Variants in ZXDA observed in about 807,000 individuals in gnomAD.
ZXDA encodes zinc finger X-linked duplicated A.
In ZXDA, 5 loss-of-function variants were observed where a neutral mutation model predicts 10.1. That is an observed-to-expected ratio of 0.50 (90% CI 0.26 to 1.04). ZXDA has a LOEUF of 1.04. Ranked by LOEUF, ZXDA falls within the 50% of genes least tolerant of loss-of-function variation. The probability of loss-of-function intolerance (pLI) is 0.14; values close to 1 mark genes in which losing one functional copy is unlikely to be tolerated. For missense variants in ZXDA, 501 were observed against 672.4 expected (o/e 0.75, Z 2.82); for synonymous variants, 266 against 313.1 (o/e 0.85, Z 1.59).
In ZXDA at chrX:57,909,159, G is replaced by C; in HGVS notation, c.1262C>G (p.Ser421Cys). Residue 421 changes from serine (S) to cysteine (C), a missense_variant, in exon 1 of 1, where the codon TCC (serine) becomes TGC (cysteine). By Grantham distance (112) the Ser-to-Cys change is moderately radical. Transcript: ENST00000358697. ...CTTGCTGCAGCCAGGGAAAGAGCAGGAAAACAGTTCCTGTTCCCTGAAATG... is the reference window on the plus strand; with the variant it reads ...CTTGCTGCAGCCAGGGAAAGAGCAGCAAAACAGTTCCTGTTCCCTGAAATG... ...RAHFREQELF[S>C]CSFPGCSKQY... 1 of 1,211,639 alleles carries C rather than the reference G, an allele frequency of 8.3e-7. No individual in the cohort carries two copies. The highest frequency in any genetic ancestry group is 2.3e-4 in the Middle Eastern group (1 of 4,351).
In ZXDA at chrX:57,909,347, G is replaced by C. The variant is rs766402759; in HGVS notation, c.1074C>G (p.Asn358Lys). The change falls in exon 1 of 1, where the codon AAC (asparagine) becomes AAG (lysine). Residue 358 changes from asparagine to lysine, a missense_variant. By Grantham distance (94) the Asn-to-Lys change is moderately conservative. Transcript: ENST00000358697. ...KAHMKGHEQE[N>K]SFKCEVCEES... ...CCTCGCACACCTCACATTTGAACGA[G>C]TTCTCCTGCTCATGGCCCTTCATGT... The C allele has an allele frequency of 8.3e-7, 1 of 1,212,017 alleles. No individual in the cohort carries two copies. The highest frequency in any genetic ancestry group is 1.1e-6 in the Non-Finnish European group (1 of 895,598).
Position 57,909,326 on chromosome X carries a change from G to A in ZXDA, c.1095C>T (p.Cys365=), listed in dbSNP as rs1329314447. The change falls in exon 1 of 1, where the codon TGC becomes TGT. Residue 365 remains cysteine (C), a synonymous_variant. Coordinates refer to ENST00000358697, the MANE Select transcript of ZXDA (RefSeq NM_007156.5). Reference sequence around the variant, plus strand: ...TGGCCTGCGTGGGGAAGCTCTCCTCGCACACCTCACATTTGAACGAGTTCT... The same window carrying A: ...TGGCCTGCGTGGGGAAGCTCTCCTCACACACCTCACATTTGAACGAGTTCT... ...EQENSFKCEV[C]EESFPTQAKL... is the part of the protein sequence containing the mutation. 6.6e-6 allele frequency: 8 copies of A among 1,211,935 alleles called. No homozygotes were observed. The East Asian group carries it at 1.5e-4, about 22-fold the overall frequency.
At position 57,908,178 on chromosome X, in the gene ZXDA, A is replaced by G; in HGVS notation, c.2243T>C (p.Leu748Pro). ...GCTCCACTCCGCTTTGGCTGGTGTCAGTAGTTCTGAGACACTGTTTTCACA... is the reference window on the plus strand; with the variant it reads ...GCTCCACTCCGCTTTGGCTGGTGTCGGTAGTTCTGAGACACTGTTTTCACA... ...TLCENSVSEL[L>P]TPAKAEWSVH... Residue 748 changes from leucine (L) to proline (P), a missense_variant, in exon 1 of 1, where the codon CTG becomes CCG. This residue lies in a region of ZXDA where 46 missense variants were observed against 54.1 expected (regional missense o/e 0.85). Transcript: ENST00000358697. 1 of 1,211,895 alleles carries G rather than the reference A, an allele frequency of 8.3e-7. No individual in the cohort carries two copies. Among genetic ancestry groups the G allele is most frequent in the African/African-American group, 1.7e-5 (1 of 57,747 alleles).
In ZXDA at chrX:57,909,608, C is replaced by T; in HGVS notation, c.813G>A (p.Glu271=). 1 of 1,203,510 alleles carries T rather than the reference C, an allele frequency of 8.3e-7. No homozygotes were observed. Among genetic ancestry groups the T allele is most frequent in the Non-Finnish European group, 1.1e-6 (1 of 891,905 alleles). ...TGGCGAAGGTTTGCCCGCACAGCGC[C>T]TCGGGGCACAGGTACAGCACCACGC... The part of the protein sequence containing the change: ...GPGVVLYLCP[E]ALCGQTFAKK... The change falls in exon 1 of 1, where the codon GAG becomes GAA. Residue 271 remains glutamate, a synonymous_variant. Transcript: ENST00000358697.
At position 57,909,275 on chromosome X, in the gene ZXDA, G is replaced by A. The variant is rs1166860533; in HGVS notation, c.1146C>T (p.His382=). Residue 382 remains histidine, a synonymous_variant, in exon 1 of 1, where the codon CAC becomes CAT. Coordinates refer to ENST00000358697, the MANE Select transcript of ZXDA (RefSeq NM_007156.5). Reference sequence around the variant, plus strand: ...ACTGGTAAGGCCTCTCGGGTTCGAAGTGGCTGCGCTGGTGGGCGCCGAGTT... The same window carrying A: ...ACTGGTAAGGCCTCTCGGGTTCGAAATGGCTGCGCTGGTGGGCGCCGAGTT... ...QAKLGAHQRS[H]FEPERPYQCA... The A allele has an allele frequency of 1.6e-6, 2 of 1,212,302 alleles. No individual in the cohort carries two copies. Among genetic ancestry groups the A allele is most frequent in the African/African-American group, 1.7e-5 (1 of 57,953 alleles).
chrX:57,909,263 C>T lies in ZXDA; in HGVS notation c.1158G>A (p.Glu386=), dbSNP rs751282844. ...CAGAAAACGCGCACTGGTAAGGCCT[C>T]TCGGGTTCGAAGTGGCTGCGCTGGT... is the stretch of plus-strand genomic sequence containing the variant. ...GAHQRSHFEP[E]RPYQCAFSGC... Residue 386 remains glutamate (E), a synonymous_variant, in exon 1 of 1, where the codon GAG becomes GAA. Transcript: ENST00000358697. 4 of 1,210,575 alleles carry T rather than the reference C, an allele frequency of 3.3e-6. No homozygotes were observed. Among genetic ancestry groups the T allele is most frequent in the African/African-American group, 3.5e-5 (2 of 57,373 alleles).
rs758040824 is a variant in ZXDA, at chrX:57,908,086, C to A, written c.2335G>T (p.Gly779Ter). The change falls in exon 1 of 1, where the codon GGA (glycine) becomes TGA (stop). Residue 779 changes from glycine to a stop codon, truncating the protein, a stop_gained. Transcript: ENST00000358697. LOFTEE classifies it high-confidence loss of function. ...CTTTCTTTCTGAGAACCATGGTTTC[C>A]TGCTGCATTGGGGAATCCAAACTGG... is the stretch of plus-strand genomic sequence containing the variant. ...ETQFGFPNAA[G>*]NHGSQKERNL... is the part of the protein sequence containing the mutation. 2 of 1,210,415 alleles carry A rather than the reference C, an allele frequency of 1.7e-6. No homozygotes were observed. Among genetic ancestry groups the A allele is most frequent in the East Asian group, 5.9e-5 (2 of 33,782 alleles).
rs1376627054 is a variant in ZXDA at position 57,909,461 on chromosome X, G to A, written c.960C>T (p.His320=). 1 of 1,212,092 alleles carries A rather than the reference G, an allele frequency of 8.3e-7. No homozygotes were observed. Among genetic ancestry groups the A allele is most frequent in the Non-Finnish European group, 1.1e-6 (1 of 895,527 alleles). ...TFTTSYKLKR[H]LQSHDKLRPF... ...GCCGCAGTTTATCGTGCGACTGCAG[G>A]TGCCTCTTGAGCTTGTAAGAGGTGG... Residue 320 remains histidine (H), a synonymous_variant, in exon 1 of 1, where the codon CAC becomes CAT. Coordinates refer to ENST00000358697, the MANE Select transcript of ZXDA (RefSeq NM_007156.5).
In ZXDA at chrX:57,909,661, G is replaced by A; in HGVS notation, c.760C>T (p.Pro254Ser). 8.5e-7 allele frequency: 1 copy of A among 1,182,181 alleles called. No individual in the cohort carries two copies. The highest frequency in any genetic ancestry group is 1.7e-5 in the African/African-American group (1 of 57,458). The change falls in exon 1 of 1, where the codon CCC (proline) becomes TCC (serine). Residue 254 changes from proline to serine, a missense_variant. Physicochemically the swap from Pro to Ser is moderately conservative, Grantham distance 74. This residue lies in a region of ZXDA where 251 missense variants were observed against 221.6 expected (regional missense o/e 1.13). Transcript: ENST00000358697. Reference sequence around the variant, plus strand: ...GGACCAGAGCCCAGCAGTCCGCGGGGGCCCAGGGCGGCGGCCAGGCCCTCC... The same window carrying A: ...GGACCAGAGCCCAGCAGTCCGCGGGAGCCCAGGGCGGCGGCCAGGCCCTCC... ...EAEGLAAALGPRGLLGSGPGV... is the reference protein window; with the variant it reads ...EAEGLAAALGSRGLLGSGPGV...
At position 57,908,163 on chromosome X, in the gene ZXDA, G is replaced by A. The variant is rs774361347; in HGVS notation, c.2258C>T (p.Ala753Val). 1.1e-5 allele frequency: 13 copies of A among 1,210,282 alleles called. No individual in the cohort carries two copies. The East Asian group carries it at 1.2e-4, about 11-fold the overall frequency. ...AGAGTTAGGATGTACGCTCCACTCC[G>A]CTTTGGCTGGTGTCAGTAGTTCTGA... Reference protein sequence around the residue: ...SVSELLTPAKAEWSVHPNSDF... With the variant: ...SVSELLTPAKVEWSVHPNSDF... Residue 753 changes from alanine to valine, a missense_variant, in exon 1 of 1, where the codon GCG (alanine) becomes GTG (valine). Transcript: ENST00000358697.
rs2146907134 is a variant in ZXDA, at chrX:57,906,675, C to CACACAG, written c.*1345_*1346insCTGTGT. The CACACAG allele has an allele frequency of 9.0e-6, 1 of 110,772 alleles. No individual in the cohort carries two copies. Among genetic ancestry groups the CACACAG allele is most frequent in the African/African-American group, 3.3e-5 (1 of 30,380 alleles). 9.1% of individuals were successfully genotyped at this position (110,772 alleles called of 1,213,427 possible). A position where few individuals can be genotyped will look rare whatever the true frequency, so the allele number is the denominator to read the frequency against. On this transcript the variant is annotated 3_prime_UTR_variant, in exon 1 of 1. Coordinates refer to ENST00000358697, the MANE Select transcript of ZXDA (RefSeq NM_007156.5). Reference sequence around the variant, plus strand: ...TTTGAGCTACACACACACACACACACACACACACACACACATTACTAAGTG... The same window carrying CACACAG: ...TTTGAGCTACACACACACACACACACACACAGACACACACACACACATTACTAAGTG...
Position 57,908,820 on chromosome X carries a change from T to C in ZXDA, c.1601A>G (p.His534Arg), listed in dbSNP as rs2014388503. ...TTTCCAAGTGTCCACATCCTGCAGG[T>C]GTTTCTTGGAGTGAATGTAGAGGCT... ...RSSLYIHSKK[H>R]LQDVDTWKSR... The change falls in exon 1 of 1, where the codon CAC (histidine) becomes CGC (arginine). Residue 534 changes from histidine to arginine, a missense_variant. His to Arg is a conservative substitution (Grantham distance 29). Around this residue, in one of 5 missense-constraint regions of ZXDA, gnomAD observed 171 missense variants for 262.7 expected, o/e 0.65. Transcript: ENST00000358697. 1 of 1,203,939 alleles carries C rather than the reference T, an allele frequency of 8.3e-7. No homozygotes were observed. The highest frequency in any genetic ancestry group is 1.8e-5 in the African/African-American group (1 of 55,394).
At position 57,910,199 on chromosome X, in the gene ZXDA, G is replaced by C. The variant is rs780081446; in HGVS notation, c.222C>G (p.Phe74Leu). The C allele has an allele frequency of 7.4e-4, 890 of 1,196,787 alleles. No individual in the cohort carries two copies. The highest frequency in any genetic ancestry group is 1.0e-3 in the Admixed American group (46 of 45,594). The change falls in exon 1 of 1, where the codon TTC (phenylalanine) becomes TTG (leucine). Residue 74 changes from phenylalanine to leucine, a missense_variant. By Grantham distance (22) the Phe-to-Leu change is conservative. Around this residue, in one of 5 missense-constraint regions of ZXDA, gnomAD observed 251 missense variants for 221.6 expected, o/e 1.13. Coordinates refer to ENST00000358697, the MANE Select transcript of ZXDA (RefSeq NM_007156.5). ...TASRGPGPSL[F>L]APRPHQPSGG... Reference sequence around the variant, plus strand: ...CGCTAGGTTGATGGGGCCTCGGCGCGAACAGGCTTGGGCCAGGGCCCCGTG... The same window carrying C: ...CGCTAGGTTGATGGGGCCTCGGCGCCAACAGGCTTGGGCCAGGGCCCCGTG...
In ZXDA at chrX:57,906,185, TC is replaced by T. The variant is rs1478971460; in HGVS notation, c.*1835del. On this transcript the variant is annotated 3_prime_UTR_variant, in exon 1 of 1. Coordinates refer to ENST00000358697, the MANE Select transcript of ZXDA (RefSeq NM_007156.5). ...TGTTAAAGTGCCATAATAATTGTTA[TC>T]CCCAAGTATCCACATGTAAACAATA... Among the ~76,000 whole-genome samples, 1 of 112,189 alleles carries T rather than the reference TC, an allele frequency of 8.9e-6. No individual in the cohort carries two copies. Among genetic ancestry groups the T allele is most frequent in the Non-Finnish European group, 1.9e-5 (1 of 53,216 alleles).
At position 57,908,777 on chromosome X, in the gene ZXDA, G is replaced by A; in HGVS notation, c.1644C>T (p.Ser548=). 1 of 1,203,387 alleles carries A rather than the reference G, an allele frequency of 8.3e-7. No individual in the cohort carries two copies. The highest frequency in any genetic ancestry group is 1.8e-5 in the South Asian group (1 of 56,418). The part of the protein sequence containing the change: ...VDTWKSRCPI[S]SCNKLFTSKH... ...TGGATGTGAAGAGTTTATTACAAGA[G>A]GAGATCGGGCAACGGCTTTTCCAAG... is the stretch of plus-strand genomic sequence containing the variant. The change falls in exon 1 of 1, where the codon TCC becomes TCT. Residue 548 remains serine, a synonymous_variant. Coordinates refer to ENST00000358697, the MANE Select transcript of ZXDA (RefSeq NM_007156.5).
At position 57,909,157 on chromosome X, in the gene ZXDA, A is replaced by G. The variant is rs1188029171; in HGVS notation, c.1264T>C (p.Cys422Arg). 1 of 1,211,733 alleles carries G rather than the reference A, an allele frequency of 8.3e-7. No individual in the cohort carries two copies. Among genetic ancestry groups the G allele is most frequent in the East Asian group, 3.0e-5 (1 of 33,832 alleles). ...AHFREQELFS[C>R]SFPGCSKQYD... ...TGCTTGCTGCAGCCAGGGAAAGAGC[A>G]GGAAAACAGTTCCTGTTCCCTGAAA... The change falls in exon 1 of 1, where the codon TGC (cysteine) becomes CGC (arginine). Residue 422 changes from cysteine (C) to arginine (R), a missense_variant. Around this residue, in one of 5 missense-constraint regions of ZXDA, gnomAD observed 171 missense variants for 262.7 expected, o/e 0.65. Coordinates refer to ENST00000358697, the MANE Select transcript of ZXDA (RefSeq NM_007156.5).
chrX:57,910,221 C>T lies in ZXDA; in HGVS notation c.200G>A (p.Arg67Gln). Residue 67 changes from arginine to glutamine, a missense_variant, in exon 1 of 1, where the codon CGG becomes CAG. Physicochemically the swap from Arg to Gln is conservative, Grantham distance 43. Around this residue, in one of 5 missense-constraint regions of ZXDA, gnomAD observed 251 missense variants for 221.6 expected, o/e 1.13. Coordinates refer to ENST00000358697, the MANE Select transcript of ZXDA (RefSeq NM_007156.5). ...RRREEASTAS[R>Q]GPGPSLFAPR... ...CGCGAACAGGCTTGGGCCAGGGCCC[C>T]GTGATGCCGTGCTGGCCTCCTCGCG... The T allele has an allele frequency of 8.4e-7, 1 of 1,186,869 alleles. No homozygotes were observed. Among genetic ancestry groups the T allele is most frequent in the Non-Finnish European group, 1.1e-6 (1 of 887,500 alleles).
chrX:57,909,097 G>A lies in ZXDA; in HGVS notation c.1324C>T (p.Arg442Trp). ...AAAGGTCTCTCGCCGGTGTGACTCC[G>A]CAGGTGAATTTTCAGCCTACAAGCC... ...DKACRLKIHL[R>W]SHTGERPFLC... is the part of the protein sequence containing the mutation. Residue 442 changes from arginine (R) to tryptophan (W), a missense_variant, in exon 1 of 1, where the codon CGG (arginine) becomes TGG (tryptophan). Around this residue, in one of 5 missense-constraint regions of ZXDA, gnomAD observed 171 missense variants for 262.7 expected, o/e 0.65. Coordinates refer to ENST00000358697, the MANE Select transcript of ZXDA (RefSeq NM_007156.5). The A allele has an allele frequency of 8.3e-7, 1 of 1,211,605 alleles. No individual in the cohort carries two copies. The highest frequency in any genetic ancestry group is 1.1e-6 in the Non-Finnish European group (1 of 895,453).
In ZXDA at chrX:57,909,858, G is replaced by A; in HGVS notation, c.563C>T (p.Pro188Leu). Reference protein sequence around the residue: ...NGVLTLATPPPHAWEPGAAPA... With the variant: ...NGVLTLATPPLHAWEPGAAPA... ...AGCGGCCCCTGGCTCCCAGGCGTGTGGTGGGGGCGTGGCCAGGGTGAGGAC... is the reference window on the plus strand; with the variant it reads ...AGCGGCCCCTGGCTCCCAGGCGTGTAGTGGGGGCGTGGCCAGGGTGAGGAC... Residue 188 changes from proline (P) to leucine (L), a missense_variant, in exon 1 of 1, where the codon CCA becomes CTA. Physicochemically the swap from Pro to Leu is moderately conservative, Grantham distance 98. Around this residue, in one of 5 missense-constraint regions of ZXDA, gnomAD observed 251 missense variants for 221.6 expected, o/e 1.13. Coordinates refer to ENST00000358697, the MANE Select transcript of ZXDA (RefSeq NM_007156.5). 8.3e-7 allele frequency: 1 copy of A among 1,201,168 alleles called. No individual in the cohort carries two copies. The highest frequency in any genetic ancestry group is 1.1e-6 in the Non-Finnish European group (1 of 891,970).
Sources: allele counts gnomAD v4.1 joint callset (sites outside exome capture counted in the v4.1 genomes callset), GRCh38; gene constraint gnomAD v4.1.1; regional missense constraint gnomAD v4.1.1; transcripts MANE v1.5; gene names NCBI Gene and HGNC (gene_info 2026-07-23, HGNC 2026-07-21).